TRPC4: variants seen among roughly 807,000 people sequenced by gnomAD.
TRPC4 encodes transient receptor potential cation channel subfamily C member 4.
Under a neutral mutation model 99.4 loss-of-function variants are expected in TRPC4, and 49 were observed. The ratio of observed to expected loss-of-function variants is 0.49; its 90% CI spans 0.39 to 0.63. TRPC4 has a LOEUF of 0.63. TRPC4 is among the 20% of genes least tolerant of loss of function. The probability of loss-of-function intolerance (pLI) is 0.00; values close to 1 mark genes in which losing one functional copy is unlikely to be tolerated. For synonymous variants in TRPC4, 454 were observed against 425.9 expected (o/e 1.07, Z -0.81); for missense variants, 898 against 1,152.9 (o/e 0.78, Z 3.20).
chr13:37,753,144 C>T (rs754597031), intron 2 of TRPC4, among the ~76,000 whole-genome samples: 2 of 151,900 alleles, frequency 1.3e-5, no homozygotes, highest in Non-Finnish European at 2.9e-5. Context: ...TTTATATTTA[C>T]ACTGGTTGGA....
At chr13:37,760,226 T>TA (rs1216177854) in intron 2 of TRPC4, among the ~76,000 whole-genome samples, 2 of 151,952 alleles carry the variant, frequency 1.3e-5, no homozygotes, top group African/African-American at 4.8e-5. Context: ...ATCTCTATAT[T>TA]AAAATCTACT....
intron 7 of TRPC4, 116 bp from the exon 8 acceptor site, chr13:37,651,575 C>T: frequency 1.1e-6 from 1 of 892,444 alleles, no homozygotes; most frequent in Non-Finnish European, 1.7e-6. Flanking sequence ...AATTAAATTG[C>T]TTCTAAAACC....
intron 3 of TRPC4, among the ~76,000 whole-genome samples, chr13:37,744,023 C>T (rs77999974): frequency 0.043 from 6,609 of 152,240 alleles, 191 homozygotes; most frequent in East Asian, 0.11. Flanking sequence ...GCTGCTTCTG[C>T]ATTCTCTGTT....
At chr13:37,833,760 A>T (rs1230231428) in intron 1 of TRPC4, among the ~76,000 whole-genome samples, 1 of 152,032 alleles carries the variant, frequency 6.6e-6, no homozygotes, top group Non-Finnish European at 1.5e-5. Context: ...AATGCATCCT[A>T]CTCAGTCTTC....
chr13:37,725,626 T>C (rs1435228870), intron 3 of TRPC4, among the ~76,000 whole-genome samples: 1 of 152,074 alleles, frequency 6.6e-6, no homozygotes, highest in Non-Finnish European at 1.5e-5. Flanking sequence ...AAAAAAGAAA[T>C]TCTGGAGCTG....
chr13:37,826,791 C>G (rs1248358773), intron 1 of TRPC4, among the ~76,000 whole-genome samples: 1 of 152,070 alleles, frequency 6.6e-6, no homozygotes, highest in Non-Finnish European at 1.5e-5. Context: ...GTGGCATTCT[C>G]TGTATTTCCT....
chr13:37,706,272 C>T (rs575274078), intron 3 of TRPC4, among the ~76,000 whole-genome samples: 1 of 152,100 alleles, frequency 6.6e-6, no homozygotes, highest in African/African-American at 2.4e-5. Flanking sequence ...ACAGAAAACC[C>T]TGGTTGAAGT....
intron 5 of TRPC4, among the ~76,000 whole-genome samples, chr13:37,664,410 C>T (rs1952566254): frequency 6.6e-6 from 1 of 151,908 alleles, no homozygotes; most frequent in African/African-American, 2.4e-5. Flanking sequence ...CCCGTCTCTA[C>T]TAAAAATACA....
chr13:37,691,314 T>C (rs139842957), intron 4 of TRPC4, among the ~76,000 whole-genome samples: 2,428 of 152,110 alleles, frequency 0.016, 64 homozygotes, highest in African/African-American at 0.055. Context: ...CCGTGTTAGC[T>C]AGGATGGCTA....
chr13:37,698,563 G>C (rs1333205793), intron 3 of TRPC4, among the ~76,000 whole-genome samples: 1 of 151,836 alleles, frequency 6.6e-6, no homozygotes, highest in Non-Finnish European at 1.5e-5. Flanking sequence ...TTCTTATTAA[G>C]GTTATCAACA....
At chr13:37,808,626 A>G (rs1222090359) in intron 1 of TRPC4, among the ~76,000 whole-genome samples, 1 of 152,024 alleles carries the variant, frequency 6.6e-6, no homozygotes, top group Admixed American at 6.6e-5. Flanking sequence ...GGCACATCCG[A>G]TGACTAGTTG....
At chr13:37,741,808 A>G (rs1396580487) in intron 3 of TRPC4, among the ~76,000 whole-genome samples, 2 of 152,008 alleles carry the variant, frequency 1.3e-5, no homozygotes, top group Non-Finnish European at 2.9e-5. Flanking sequence ...GTCTGGGTGG[A>G]GGCAATATGG....
intron 2 of TRPC4, among the ~76,000 whole-genome samples, chr13:37,750,813 G>A (rs1593656658): frequency 1.3e-5 from 2 of 151,452 alleles, no homozygotes; most frequent in East Asian, 2.0e-4. Context: ...CCAACCCTCC[G>A]ACAGGCCCCG....
At chr13:37,784,484 T>C (rs1956922399) in intron 1 of TRPC4, among the ~76,000 whole-genome samples, 1 of 152,074 alleles carries the variant, frequency 6.6e-6, no homozygotes, top group South Asian at 2.1e-4. Flanking sequence ...TTGAGTATGA[T>C]TTCTTTGTTG....
chr13:37,846,250 C>T (rs1389709086), intron 1 of TRPC4, among the ~76,000 whole-genome samples: 1 of 151,958 alleles, frequency 6.6e-6, no homozygotes, highest in African/African-American at 2.4e-5. Flanking sequence ...AAAAATAAAT[C>T]CCAATGGTAG....
intron 1 of TRPC4, among the ~76,000 whole-genome samples, chr13:37,860,749 A>G (rs969553306): frequency 2.3e-4 from 35 of 151,648 alleles, no homozygotes; most frequent in Admixed American, 1.8e-3. Context: ...ATGTGAATTC[A>G]TATACGGCAG....
intron 3 of TRPC4, among the ~76,000 whole-genome samples, chr13:37,741,635 A>G (rs1466949419): frequency 6.6e-6 from 1 of 152,174 alleles, no homozygotes; most frequent in Non-Finnish European, 1.5e-5. Context: ...CTCTTTGGAG[A>G]AATCAAGTGC....
chr13:37,753,363 C>T (rs1955989483), intron 2 of TRPC4, among the ~76,000 whole-genome samples: 1 of 151,772 alleles, frequency 6.6e-6, no homozygotes, highest in South Asian at 2.1e-4. Flanking sequence ...AAGAATTTAG[C>T]CAGGAGAATA....
chr13:37,771,877 T>C (rs890549598), intron 2 of TRPC4, among the ~76,000 whole-genome samples: 1 of 151,642 alleles, frequency 6.6e-6, no homozygotes, highest in African/African-American at 2.4e-5. Context: ...CCAGATACAA[T>C]TGATGACAGA....
Sources: allele counts gnomAD v4.1 joint callset (sites outside exome capture counted in the v4.1 genomes callset), GRCh38; gene constraint gnomAD v4.1.1; transcripts MANE v1.5; gene names NCBI Gene and HGNC (gene_info 2026-07-23, HGNC 2026-07-21).